PIK3R5: variants seen among roughly 807,000 people sequenced by gnomAD.
PIK3R5 encodes the protein phosphoinositide-3-kinase regulatory subunit 5, also known as phosphoinositide 3-kinase regulatory subunit 5.
Under a neutral mutation model 94.9 loss-of-function variants are expected in PIK3R5, and 32 were observed. The ratio of observed to expected loss-of-function variants is 0.34; its 90% CI spans 0.25 to 0.45. The LOEUF (loss-of-function observed/expected upper bound fraction) is 0.45. PIK3R5 is among the 20% of genes least tolerant of loss of function. The pLI, the probability that PIK3R5 is intolerant of heterozygous loss-of-function variation, is 1.00. For missense variants in PIK3R5, 853 were observed against 1,144.6 expected (o/e 0.75, Z 3.68); for synonymous variants, 443 against 479.4 (o/e 0.92, Z 0.99).
At position 8,955,755 on chromosome 17, in the gene PIK3R5, C is replaced by T. The variant is rs551347397; in HGVS notation, c.-14+9841G>A. Among the ~76,000 whole-genome samples, 3 of 152,050 alleles carry T rather than the reference C, an allele frequency of 2.0e-5. No individual in the cohort carries two copies. Among genetic ancestry groups the T allele is most frequent in the African/African-American group, 7.2e-5 (3 of 41,394 alleles). On this transcript the variant is annotated intron_variant, in intron 1 of 18. Coordinates refer to ENST00000447110, the MANE Select transcript of PIK3R5 (RefSeq NM_001142633.3). The surrounding 1 kb of genome is among the most constrained non-coding windows in gnomAD (Gnocchi z 4.4). ...GAACAAGGAAGATGGAGGGAGGACT[C>T]GGAGATGAGTCCAAGGTTTCAAGGC...
Position 8,890,703 on chromosome 17 carries a change from G to T in PIK3R5, c.657+35C>A. 1 of 1,569,920 alleles carries T rather than the reference G, an allele frequency of 6.4e-7. No individual in the cohort carries two copies. The highest frequency in any genetic ancestry group is 2.3e-5 in the East Asian group (1 of 43,580). Reference sequence around the variant, plus strand: ...GAGAGGGTGCTACCTCCTCAGAGAGGTGCTCCACCAGAGCCCCAGGCCCCA... The same window carrying T: ...GAGAGGGTGCTACCTCCTCAGAGAGTTGCTCCACCAGAGCCCCAGGCCCCA... On this transcript the variant is annotated intron_variant, in intron 7 of 18. Transcript: ENST00000447110. This position sits in a 1 kb window ranked among gnomAD's most constrained non-coding sequence, Gnocchi z 6.1.
Position 8,925,543 on chromosome 17 carries a change from A to C in PIK3R5, c.-13-14036T>G, listed in dbSNP as rs2090867642. On this transcript the variant is annotated intron_variant, in intron 1 of 18. Transcript: ENST00000447110. The surrounding 1 kb of genome is among the most constrained non-coding windows in gnomAD (Gnocchi z 5.1). The stretch of plus-strand genomic sequence containing the variant: ...ATAGATAGATAGATAGTAGATAGAT[A>C]GTAGATGGATAGATAGATAGATAGA... Among the ~76,000 whole-genome samples the C allele has an allele frequency of 6.6e-6, 1 of 152,162 alleles. No individual in the cohort carries two copies. Among genetic ancestry groups the C allele is most frequent in the South Asian group, 2.1e-4 (1 of 4,830 alleles).
chr17:8,942,683 GC>G (rs761854060), intron 1 of PIK3R5, among the ~76,000 whole-genome samples: 6,601 of 151,808 alleles, frequency 0.043, 202 homozygotes, highest in Non-Finnish European at 0.063. Context: ...TCTGCTCACT[GC>G]AAGCTCCGCC....
Position 8,952,600 on chromosome 17 carries a change from T to C in PIK3R5, c.-14+12996A>G, listed in dbSNP as rs772912787. Among the ~76,000 whole-genome samples, 6 of 152,192 alleles carry C rather than the reference T, an allele frequency of 3.9e-5. No individual in the cohort carries two copies. The East Asian group carries it at 5.8e-4, about 15-fold the overall frequency. ...AGCAAACTGGGCTGGCCAGTTAGTA[T>C]TGAAGCGACTTAAGTCGAGAGAGTA... On this transcript the variant is annotated intron_variant, in intron 1 of 18. Coordinates refer to ENST00000447110, the MANE Select transcript of PIK3R5 (RefSeq NM_001142633.3).
rs1455045558 is a variant in PIK3R5 at position 8,884,803 on chromosome 17, A to G, written c.2129-20T>C. 5 of 1,609,284 alleles carry G rather than the reference A, an allele frequency of 3.1e-6. No homozygotes were observed. The African/African-American group carries it at 5.4e-5, about 17-fold the overall frequency. On this transcript the variant is annotated intron_variant, in intron 14 of 18. Coordinates refer to ENST00000447110, the MANE Select transcript of PIK3R5 (RefSeq NM_001142633.3). This position sits in a 1 kb window ranked among gnomAD's most constrained non-coding sequence, Gnocchi z 5.8. ...CAGGACCTGTGCCACACACAGACAGACCCTTCACTACCCCTGGCTTCCCCG... is the reference window on the plus strand; with the variant it reads ...CAGGACCTGTGCCACACACAGACAGGCCCTTCACTACCCCTGGCTTCCCCG...
intron 4 of PIK3R5, among the ~76,000 whole-genome samples, chr17:8,905,276 G>A (rs1466693686): frequency 2.0e-5 from 3 of 152,270 alleles, no homozygotes; most frequent in African/African-American, 7.2e-5. Context: ...ACAGGTAAAT[G>A]TTTATTTTTT....
intron 1 of PIK3R5, among the ~76,000 whole-genome samples, chr17:8,928,224 T>TG (rs1277014888): frequency 1.3e-5 from 2 of 152,122 alleles, no homozygotes; most frequent in African/African-American, 4.8e-5. Context: ...AAGGCCGGGC[T>TG]GAAAAACTAC....
chr17:8,911,565 G>C lies in PIK3R5; in HGVS notation c.-13-58C>G. ...GAGCTCCTTTCCCAGAGAGCACCTG[G>C]TCCAGTAAAGACAACAGGTGCTCAC... On this transcript the variant is annotated intron_variant, in intron 1 of 18. Coordinates refer to ENST00000447110, the MANE Select transcript of PIK3R5 (RefSeq NM_001142633.3). The surrounding 1 kb of genome is among the most constrained non-coding windows in gnomAD (Gnocchi z 5.3). The C allele has an allele frequency of 1.7e-6, 2 of 1,143,502 alleles. No homozygotes were observed. Among genetic ancestry groups the C allele is most frequent in the Non-Finnish European group, 2.6e-6 (2 of 783,216 alleles). 70.8% of individuals were successfully genotyped at this position (1,143,502 alleles called of 1,614,324 possible).
At position 8,911,844 on chromosome 17, in the gene PIK3R5, G is replaced by A. The variant is rs765491455; in HGVS notation, c.-13-337C>T. 6.4e-5 allele frequency: 12 copies of A among 187,264 alleles called. No individual in the cohort carries two copies. Among genetic ancestry groups the A allele is most frequent in the Non-Finnish European group, 1.1e-4 (10 of 90,392 alleles). The allele number at this position is 187,264 out of a possible 1,614,324, so 11.6% of individuals were successfully genotyped here. A position where few individuals can be genotyped will look rare whatever the true frequency, so the allele number is the denominator to read the frequency against. On this transcript the variant is annotated intron_variant, in intron 1 of 18. Transcript: ENST00000447110. This position sits in a 1 kb window ranked among gnomAD's most constrained non-coding sequence, Gnocchi z 5.3. ...CCAGGGAGTGGTCAGACCCCAGTGG[G>A]CTGGGCAGGAAGATCCTGAGGGGAA...
Position 8,945,987 on chromosome 17 carries a change from C to T in PIK3R5, c.-14+19609G>A, listed in dbSNP as rs996192916. 6.6e-6 allele frequency among the ~76,000 whole-genome samples: 1 copy of T among 152,134 alleles called. No homozygotes were observed. Among genetic ancestry groups the T allele is most frequent in the Non-Finnish European group, 1.5e-5 (1 of 68,024 alleles). ...CATGGAGAGGCCCCTTGTAGGCATTCTCATTTACAGTTTCAGTTACCAGCC... is the reference window on the plus strand; with the variant it reads ...CATGGAGAGGCCCCTTGTAGGCATTTTCATTTACAGTTTCAGTTACCAGCC... On this transcript the variant is annotated intron_variant, in intron 1 of 18. Transcript: ENST00000447110. The surrounding 1 kb of genome is among the most constrained non-coding windows in gnomAD (Gnocchi z 4.0).
At chr17:8,900,672 C>T (rs550618099) in intron 5 of PIK3R5, among the ~76,000 whole-genome samples, 41 of 152,312 alleles carry the variant, frequency 2.7e-4, no homozygotes, top group African/African-American at 9.4e-4. Context: ...ATTCTACTTC[C>T]GGCTCCAGCT....
At chr17:8,943,769 T>C (rs1386918249) in intron 1 of PIK3R5, among the ~76,000 whole-genome samples, 1 of 151,956 alleles carries the variant, frequency 6.6e-6, no homozygotes, top group African/African-American at 2.4e-5. Context: ...CAAGACTCCA[T>C]CTAAAAAAAG....
At chr17:8,964,476 G>A (rs1462856114) in intron 1 of PIK3R5, among the ~76,000 whole-genome samples, 1 of 152,168 alleles carries the variant, frequency 6.6e-6, no homozygotes, top group African/African-American at 2.4e-5. Context: ...AGGCTGGGTT[G>A]GGGGACAGTG....
At chr17:8,940,966 C>T (rs1438272070) in intron 1 of PIK3R5, among the ~76,000 whole-genome samples, 1 of 152,146 alleles carries the variant, frequency 6.6e-6, no homozygotes, top group Non-Finnish European at 1.5e-5. Flanking sequence ...CAAGGCATCC[C>T]CGCTCCTCTC....
chr17:8,919,715 T>C (rs1223003368), intron 1 of PIK3R5, among the ~76,000 whole-genome samples: 1 of 152,122 alleles, frequency 6.6e-6, no homozygotes, highest in Non-Finnish European at 1.5e-5. Flanking sequence ...GTGCTTGGGA[T>C]CTGCAAGAGC....
intron 1 of PIK3R5, among the ~76,000 whole-genome samples, chr17:8,926,187 C>T (rs2090880660): frequency 1.3e-5 from 2 of 152,080 alleles, no homozygotes; most frequent in Admixed American, 6.5e-5. Context: ...GAGAAGTGGC[C>T]ACTGGATCTG....
chr17:8,898,798 C>T (rs1262740759), intron 5 of PIK3R5, among the ~76,000 whole-genome samples: 1 of 152,190 alleles, frequency 6.6e-6, no homozygotes, highest in Non-Finnish European at 1.5e-5. Flanking sequence ...TAATAAGTGA[C>T]GAAGTGTAGG....
rs149414568 is a variant in PIK3R5 at position 8,964,218 on chromosome 17, C to G, written c.-14+1378G>C. ...ACCAACCTGGGCAACATGGCAAAAC[C>G]CTGCCTCTACAAAAAATACAAAAAT... is the stretch of plus-strand genomic sequence containing the variant. On this transcript the variant is annotated intron_variant, in intron 1 of 18. Coordinates refer to ENST00000447110, the MANE Select transcript of PIK3R5 (RefSeq NM_001142633.3). Among the ~76,000 whole-genome samples the G allele has an allele frequency of 5.0e-3, 763 of 152,174 alleles. 4 individuals carry two copies. Among genetic ancestry groups the G allele is most frequent in the African/African-American group, 0.018 (731 of 41,518 alleles).
Position 8,884,659 on chromosome 17 carries a change from TATC to T in PIK3R5, c.2205+45_2205+47del, listed in dbSNP as rs774445360. 2.1e-6 allele frequency: 3 copies of T among 1,438,992 alleles called. No individual in the cohort carries two copies. The highest frequency in any genetic ancestry group is 1.7e-5 in the Admixed American group (1 of 58,884). 89.1% of individuals were successfully genotyped at this position (1,438,992 alleles called of 1,614,324 possible). On this transcript the variant is annotated intron_variant, in intron 15 of 18. Coordinates refer to ENST00000447110, the MANE Select transcript of PIK3R5 (RefSeq NM_001142633.3). The surrounding 1 kb of genome is among the most constrained non-coding windows in gnomAD (Gnocchi z 5.8). The stretch of plus-strand genomic sequence containing the variant: ...TGGGTCCAAGCTCTGGCGGAGGAAG[TATC>T]AGCAGCAGATCCTGGAGGGGAAGGA...
Sources: gnomAD v4.1 joint callset for allele counts (sites outside exome capture counted in the v4.1 genomes callset) on GRCh38, gnomAD v4.1.1 for gene constraint, Gnocchi (gnomAD v3.1) non-coding constraint, MANE v1.5 for transcripts, NCBI Gene and HGNC (gene_info 2026-07-23, HGNC 2026-07-21) for gene names.